Variants in UTS2 observed in about 807,000 individuals in gnomAD.
The protein encoded by UTS2 is urotensin-2.
A neutral mutation model predicts 12.6 loss-of-function variants in UTS2; 10 were observed. The observed-to-expected ratio is 0.80, with a 90% CI of 0.49 to 1.35. The LOEUF is 1.35. Ranked by LOEUF, UTS2 falls within the 40% of genes most tolerant of loss-of-function variation. UTS2 has a pLI of 0.00. For synonymous variants in UTS2, 52 were observed against 50.0 expected, an observed-to-expected ratio of 1.04 and a Z score of -0.17; for missense variants, 142 against 143.2, an observed-to-expected ratio of 0.99 and a Z score of 0.04.
At chr1:7,905,694 T>C in the UTS2 span, among the ~76,000 whole-genome samples, 1 of 152,160 alleles carries the variant, frequency 6.6e-6, no homozygotes, top group South Asian at 2.1e-4. Context: ...CAACATCAGC[T>C]CTTCCCTGGA....
the UTS2 span, among the ~76,000 whole-genome samples, chr1:7,877,957 A>G: frequency 6.6e-6 from 1 of 152,230 alleles, no homozygotes; most frequent in Non-Finnish European, 1.5e-5. Context: ...AAGATTTCCA[A>G]ATAGCTTCAA....
At chr1:7,876,779 A>G in the UTS2 span, among the ~76,000 whole-genome samples, 1 of 152,158 alleles carries the variant, frequency 6.6e-6, no homozygotes. Flanking sequence ...TTTTTCTGTG[A>G]AAGTCACTCC....
At chr1:7,884,908 A>G in the UTS2 span, among the ~76,000 whole-genome samples, 1 of 148,610 alleles carries the variant, frequency 6.7e-6, no homozygotes, top group Admixed American at 6.7e-5. Context: ...CCCATCATCC[A>G]TGCATCCATT....
At chr1:7,898,371 G>A in the UTS2 span, among the ~76,000 whole-genome samples, 5,749 of 152,208 alleles carry the variant, frequency 0.038, 131 homozygotes, top group Non-Finnish European at 0.052. Context: ...TTTATTAGGG[G>A]AACTTATATA....
At chr1:7,900,397 C>CA in the UTS2 span, among the ~76,000 whole-genome samples, 2 of 149,802 alleles carry the variant, frequency 1.3e-5, no homozygotes, top group Admixed American at 6.7e-5. Context: ...AACTTGTCTC[C>CA]AAAAAAAGAA....
chr1:7,848,767 A>C (rs1401413550), intron 3 of UTS2, among the ~76,000 whole-genome samples: 1 of 152,022 alleles, frequency 6.6e-6, no homozygotes, highest in Non-Finnish European at 1.5e-5. Context: ...CAATCCGCCT[A>C]CCTCGGCCTC....
At chr1:7,875,619 C>G in the UTS2 span, among the ~76,000 whole-genome samples, 1 of 152,120 alleles carries the variant, frequency 6.6e-6, no homozygotes, top group Non-Finnish European at 1.5e-5. Context: ...TGACCACAAC[C>G]GCCACTGACT....
At chr1:7,847,976 G>C in intron 3 of UTS2, 94 bp from the exon 4 acceptor site, 1 of 863,100 alleles carries the variant, frequency 1.2e-6, no homozygotes, top group Non-Finnish European at 1.8e-6. Flanking sequence ...CTTGAGTCAA[G>C]ACACTGGACT....
chr1:7,859,689 C>T, the UTS2 span, among the ~76,000 whole-genome samples: 7 of 152,152 alleles, frequency 4.6e-5, no homozygotes, highest in Non-Finnish European at 5.9e-5. Context: ...TCGAGGAATT[C>T]GGGGTTTTGT....
At chr1:7,913,103 G>A in the UTS2 span, among the ~76,000 whole-genome samples, 2 of 151,442 alleles carry the variant, frequency 1.3e-5, no homozygotes, top group Non-Finnish European at 2.9e-5. Context: ...TGCCTGCTAC[G>A]GAACTCCCAC....
the UTS2 span, among the ~76,000 whole-genome samples, chr1:7,869,793 T>C: frequency 1.3e-5 from 2 of 152,340 alleles, no homozygotes; most frequent in Middle Eastern, 3.4e-3. Context: ...TCCAATTACC[T>C]AGGAGGTTTG....
At chr1:7,899,481 C>A in the UTS2 span, among the ~76,000 whole-genome samples, 4 of 151,772 alleles carry the variant, frequency 2.6e-5, no homozygotes, top group Non-Finnish European at 4.4e-5. Flanking sequence ...TTTAGATATC[C>A]CTTATCAGTT....
the UTS2 span, among the ~76,000 whole-genome samples, chr1:7,861,808 T>A: frequency 6.6e-6 from 1 of 152,058 alleles, no homozygotes; most frequent in Non-Finnish European, 1.5e-5. Context: ...GAAGAACATG[T>A]GAGGGCAAAC....
chr1:7,886,234 A>C, the UTS2 span, among the ~76,000 whole-genome samples: 1 of 152,224 alleles, frequency 6.6e-6, no homozygotes, highest in Non-Finnish European at 1.5e-5. Flanking sequence ...TGCTGGCTCC[A>C]AACCCATCTC....
At chr1:7,863,277 A>G in the UTS2 span, among the ~76,000 whole-genome samples, 2 of 150,878 alleles carry the variant, frequency 1.3e-5, no homozygotes, top group Admixed American at 6.6e-5. Flanking sequence ...ACGCCTGGCT[A>G]ATTTTGTATT....
the UTS2 span, among the ~76,000 whole-genome samples, chr1:7,869,346 G>C: frequency 6.6e-6 from 1 of 152,176 alleles, no homozygotes; most frequent in Non-Finnish European, 1.5e-5. Context: ...CTGGGGTACC[G>C]CCACTGTGGA....
chr1:7,851,548 A>G (rs1315582208), intron 1 of UTS2, among the ~76,000 whole-genome samples: 1 of 152,116 alleles, frequency 6.6e-6, no homozygotes, highest in Admixed American at 6.5e-5. Context: ...CCGGAGTGTG[A>G]GGCGTGGTAA....
chr1:7,864,237 G>A, the UTS2 span, among the ~76,000 whole-genome samples: 7 of 152,180 alleles, frequency 4.6e-5, no homozygotes, highest in South Asian at 4.1e-4. Flanking sequence ...CTCCTGAGGC[G>A]TGTCTCTTGA....
chr1:7,879,822 CA>C, the UTS2 span, among the ~76,000 whole-genome samples: 3 of 151,994 alleles, frequency 2.0e-5, no homozygotes, highest in Non-Finnish European at 4.4e-5. Context: ...ACAGCAAAAG[CA>C]GTGCTAAAAG....
Sources: allele counts gnomAD v4.1 joint callset (sites outside exome capture counted in the v4.1 genomes callset), GRCh38; gene constraint gnomAD v4.1.1; transcripts MANE v1.5; gene names NCBI Gene and HGNC (gene_info 2026-07-23, HGNC 2026-07-21).